CNTNAP2: variants seen among roughly 807,000 people sequenced by gnomAD.
CNTNAP2 encodes contactin associated protein 2.
CNTNAP2 carries 98 observed loss-of-function variants against 155.2 expected under a neutral mutation model. The ratio of observed to expected loss-of-function variants is 0.63; its 90% CI spans 0.54 to 0.75. The LOEUF is 0.75. CNTNAP2 is among the 30% of genes least tolerant of loss of function. The probability of loss-of-function intolerance (pLI) is 0.00; values close to 1 mark genes in which losing one functional copy is unlikely to be tolerated. For missense variants in CNTNAP2, 1,727 were observed against 1,688.1 expected, an observed-to-expected ratio of 1.02 and a Z score of -0.40; for synonymous variants, 651 against 631.2, an observed-to-expected ratio of 1.03 and a Z score of -0.47.
Position 147,428,900 on chromosome 7 carries a change from C to T in CNTNAP2, c.1670+33120C>T, listed in dbSNP as rs115504378. Among the ~76,000 whole-genome samples, 1,241 of 152,072 alleles carry T rather than the reference C, an allele frequency of 8.2e-3. 19 individuals are homozygous for T. The highest frequency in any genetic ancestry group is 0.029 in the African/African-American group (1,190 of 41,498). ...TCACCTGAGCAGAGTACAGTACACC[C>T]AGTGTGTAGTTTTTTCTCTCTCATC... On this transcript the variant is annotated intron_variant, in intron 10 of 23. Coordinates refer to ENST00000361727, the MANE Select transcript of CNTNAP2 (RefSeq NM_014141.6).
chr7:146,192,593 T>TG (rs751671275), intron 1 of CNTNAP2, among the ~76,000 whole-genome samples: 8 of 152,044 alleles, frequency 5.3e-5, no homozygotes, highest in Non-Finnish European at 1.0e-4. Context: ...GAGAACATCA[T>TG]GGGAAAGACC....
At chr7:146,458,183 A>C in intron 1 of CNTNAP2, among the ~76,000 whole-genome samples, 1 of 152,082 alleles carries the variant, frequency 6.6e-6, no homozygotes, top group Non-Finnish European at 1.5e-5. Context: ...AGAATAGCTA[A>C]TGGATGCTGG....
At chr7:147,948,513 C>T (rs1278720999) in intron 14 of CNTNAP2, among the ~76,000 whole-genome samples, 2 of 123,428 alleles carry the variant, frequency 1.6e-5, no homozygotes, top group African/African-American at 2.7e-5. Flanking sequence ...CTAGCCATTC[C>T]AGGAAAAAAA....
At chr7:148,287,838 C>CTGGAGT (rs1797110678) in intron 21 of CNTNAP2, among the ~76,000 whole-genome samples, 1 of 136,132 alleles carries the variant, frequency 7.3e-6, no homozygotes, top group Non-Finnish European at 1.5e-5. Context: ...GTTGCCCAGG[C>CTGGAGT]TGGAGTGCAA....
chr7:147,973,080 C>T (rs1294996692), intron 14 of CNTNAP2, among the ~76,000 whole-genome samples: 2 of 149,760 alleles, frequency 1.3e-5, no homozygotes, highest in African/African-American at 4.9e-5. Flanking sequence ...TCACTTGAAT[C>T]CAGGTTGAGC....
intron 13 of CNTNAP2, among the ~76,000 whole-genome samples, chr7:147,709,143 T>C (rs1342482568): frequency 6.6e-6 from 1 of 152,162 alleles, no homozygotes; most frequent in Non-Finnish European, 1.5e-5. Flanking sequence ...AAGGTTACGC[T>C]CTTCTCTCAG....
intron 3 of CNTNAP2, among the ~76,000 whole-genome samples, chr7:146,859,077 T>C (rs1222165507): frequency 6.6e-6 from 1 of 152,110 alleles, no homozygotes; most frequent in Non-Finnish European, 1.5e-5. Flanking sequence ...ATAAAGCAAT[T>C]GAGATTGAGA....
intron 8 of CNTNAP2, among the ~76,000 whole-genome samples, chr7:147,174,445 A>G (rs756551051): frequency 5.9e-4 from 90 of 152,300 alleles, no homozygotes; most frequent in Non-Finnish European, 1.1e-3. Flanking sequence ...ATACTACTCC[A>G]TTGCAAATAT....
chr7:148,068,427 T>C (rs1480696453), intron 15 of CNTNAP2, among the ~76,000 whole-genome samples: 2 of 152,232 alleles, frequency 1.3e-5, no homozygotes, highest in Non-Finnish European at 2.9e-5. Flanking sequence ...GGTTAAATTC[T>C]TCTCCTGTGA....
At chr7:147,502,741 G>GTGTGTATA (rs1491222754) in intron 11 of CNTNAP2, among the ~76,000 whole-genome samples, 1 of 99,956 alleles carries the variant, frequency 1.0e-5, no homozygotes, top group Non-Finnish European at 2.0e-5. Context: ...GTGTGTGTGT[G>GTGTGTATA]TATATATATA....
chr7:147,387,752 G>A (rs2116436160), intron 9 of CNTNAP2, among the ~76,000 whole-genome samples: 1 of 152,154 alleles, frequency 6.6e-6, no homozygotes, highest in South Asian at 2.1e-4. Context: ...GATTATTATT[G>A]ACTGTATTTA....
intron 1 of CNTNAP2, among the ~76,000 whole-genome samples, chr7:146,611,343 A>G (rs542549545): frequency 6.6e-6 from 1 of 152,256 alleles, no homozygotes; most frequent in South Asian, 2.1e-4. Context: ...TTCCCCCTTC[A>G]GCTTCCCAAA....
At chr7:146,207,144 A>T (rs1476803033) in intron 1 of CNTNAP2, among the ~76,000 whole-genome samples, 1 of 151,948 alleles carries the variant, frequency 6.6e-6, no homozygotes, top group Non-Finnish European at 1.5e-5. Flanking sequence ...TTTCCAGTGG[A>T]GCCTTTTAAG....
At chr7:146,966,766 C>T (rs189364058) in intron 3 of CNTNAP2, among the ~76,000 whole-genome samples, 177 of 152,280 alleles carry the variant, frequency 1.2e-3, no homozygotes, top group Non-Finnish European at 2.2e-3. Flanking sequence ...TCAACCAGAC[C>T]ATATATCATA....
chr7:148,407,663 C>T (rs1400738665), intron 22 of CNTNAP2, among the ~76,000 whole-genome samples: 2 of 142,788 alleles, frequency 1.4e-5, no homozygotes, highest in Non-Finnish European at 3.0e-5. Context: ...ATGATTGTGC[C>T]ACTGCACTCC....
At chr7:147,350,020 A>C (rs1038591051) in intron 9 of CNTNAP2, among the ~76,000 whole-genome samples, 1 of 151,896 alleles carries the variant, frequency 6.6e-6, no homozygotes, top group Non-Finnish European at 1.5e-5. Flanking sequence ...ATAATGAACA[A>C]ATTTATAAAT....
At chr7:148,177,964 A>G (rs1794976145) in intron 18 of CNTNAP2, among the ~76,000 whole-genome samples, 2 of 150,878 alleles carry the variant, frequency 1.3e-5, no homozygotes, top group South Asian at 4.2e-4. Flanking sequence ...GCAAACATTC[A>G]TTGAACACCT....
intron 10 of CNTNAP2, among the ~76,000 whole-genome samples, chr7:147,422,025 C>G (rs1049424197): frequency 1.3e-5 from 2 of 151,026 alleles, no homozygotes; most frequent in African/African-American, 4.9e-5. Context: ...GAATAAATTA[C>G]CAAGTCTTAG....
chr7:147,824,651 T>G (rs1271706905), intron 13 of CNTNAP2, among the ~76,000 whole-genome samples: 1 of 152,132 alleles, frequency 6.6e-6, no homozygotes, highest in East Asian at 1.9e-4. Context: ...TCCCTGGTCA[T>G]AAAATGATAT....
Sources: gnomAD v4.1 joint callset for allele counts (sites outside exome capture counted in the v4.1 genomes callset) on GRCh38, gnomAD v4.1.1 for gene constraint, MANE v1.5 for transcripts, NCBI Gene and HGNC (gene_info 2026-07-23, HGNC 2026-07-21) for gene names.